Variants in ROS1 observed in about 807,000 individuals in gnomAD.
ROS1 encodes proto-oncogene tyrosine-protein kinase ROS.
ROS1 carries 263 observed loss-of-function variants against 273.5 expected under a neutral mutation model. The observed-to-expected ratio is 0.96, with a 90% CI of 0.87 to 1.06. The LOEUF (loss-of-function observed/expected upper bound fraction) is 1.06. Among genes scored for constraint, ROS1 ranks in the 50% least tolerant of loss-of-function variants. The pLI is 0.00. For missense variants in ROS1, 2,833 were observed against 2,751.1 expected (o/e 1.03, Z -0.67); for synonymous variants, 1,008 against 954.1 (o/e 1.06, Z -1.04).
chr6:117,360,790 C>G (rs1261393103), intron 22 of ROS1, among the ~76,000 whole-genome samples: 1 of 151,816 alleles, frequency 6.6e-6, no homozygotes, highest in Non-Finnish European at 1.5e-5. Context: ...ATATATATAT[C>G]AATTGAATAT....
At chr6:117,405,836 C>G (rs778565878) in intron 5 of ROS1, among the ~76,000 whole-genome samples, 11 of 152,110 alleles carry the variant, frequency 7.2e-5, no homozygotes, top group African/African-American at 2.7e-4. Flanking sequence ...ATATCCCTTA[C>G]CAGCTATGTG....
intron 5 of ROS1, among the ~76,000 whole-genome samples, chr6:117,407,089 C>A (rs1232064911): frequency 6.6e-6 from 1 of 151,862 alleles, no homozygotes; most frequent in African/African-American, 2.4e-5. Context: ...AATGTAATAT[C>A]ACTACCTCTC....
intron 1 of ROS1, among the ~76,000 whole-genome samples, chr6:117,424,617 T>C (rs563121273): frequency 6.6e-6 from 1 of 152,194 alleles, no homozygotes; most frequent in Admixed American, 6.5e-5. Context: ...CAAAGATTTA[T>C]ATAAAATACT....
chr6:117,311,204 T>C (rs986017936), intron 39 of ROS1, 87 bp from the exon 40 acceptor site: 40 of 666,332 alleles, frequency 6.0e-5, no homozygotes, highest in Non-Finnish European at 8.5e-5. Flanking sequence ...TGGATACATG[T>C]ATATGCATAT....
At chr6:117,393,096 A>C in intron 12 of ROS1, 128 bp downstream of exon 12, 1 of 703,416 alleles carries the variant, frequency 1.4e-6, no homozygotes. Context: ...GAATTTAATT[A>C]AATTCACCTA....
Position 117,379,177 on chromosome 6 carries a change from TA to T in ROS1, c.2482-19del. On this transcript the variant is annotated intron_variant, in intron 17 of 43. Coordinates refer to ENST00000368507, the MANE Select transcript of ROS1 (RefSeq NM_001378902.1). The stretch of plus-strand genomic sequence containing the variant: ...GCAATTACCTAAGTAGAAAGTAAGG[TA>T]AGAAAATAAACCAAATACATGTTTG... 1 of 1,505,242 alleles carries T rather than the reference TA, an allele frequency of 6.6e-7. No individual in the cohort carries two copies. Among genetic ancestry groups the T allele is most frequent in the Non-Finnish European group, 9.2e-7 (1 of 1,082,480 alleles). The allele number at this position is 1,505,242 out of a possible 1,614,324, so 93.2% of individuals were successfully genotyped here.
chr6:117,306,240 T>C (rs1775091780), intron 42 of ROS1, among the ~76,000 whole-genome samples: 2 of 152,138 alleles, frequency 1.3e-5, no homozygotes, highest in African/African-American at 2.4e-5. Context: ...TCCTTACTTA[T>C]TATACCTAAT....
intron 4 of ROS1, 80 bp downstream of exon 4, chr6:117,414,439 C>T (rs953013406): frequency 1.4e-6 from 1 of 713,516 alleles, no homozygotes; most frequent in Non-Finnish European, 2.5e-6. Context: ...GGTTTCTTCA[C>T]CCCTATTTTA....
chr6:117,360,067 CAA>C, intron 23 of ROS1, 56 bp from the exon 24 acceptor site: 3 of 1,403,362 alleles, frequency 2.1e-6, no homozygotes, highest in Non-Finnish European at 3.0e-6. Context: ...TTTAGCTTAG[CAA>C]AGTCTCGATT....
chr6:117,325,265 T>C (rs1776552881), intron 34 of ROS1, among the ~76,000 whole-genome samples: 2 of 152,076 alleles, frequency 1.3e-5, no homozygotes, highest in Admixed American at 1.3e-4. Flanking sequence ...TCTTGAAGGA[T>C]GAGAAGAATT....
chr6:117,360,399 C>A lies in ROS1; in HGVS notation c.3373G>T (p.Ala1125Ser), dbSNP rs757007708. Reference protein sequence around the residue: ...PRCFIAFQVRAFTSKGPGPYA... With the variant: ...PRCFIAFQVRSFTSKGPGPYA... Reference sequence around the variant, plus strand: ...GGTCCTGGCCCCTTAGATGTAAAGGCCCTAACCTAAAGAAAAGGAAACAAA... The same window carrying A: ...GGTCCTGGCCCCTTAGATGTAAAGGACCTAACCTAAAGAAAAGGAAACAAA... Residue 1125 changes from alanine to serine, a missense_variant, in exon 23 of 44, where the codon GCC (alanine) becomes TCC (serine). Transcript: ENST00000368507. The A allele has an allele frequency of 6.2e-7, 1 of 1,612,786 alleles. No homozygotes were observed. The highest frequency in any genetic ancestry group is 2.2e-5 in the East Asian group (1 of 44,838).
chr6:117,400,372 G>A (rs1353175195), intron 7 of ROS1, among the ~76,000 whole-genome samples: 2 of 152,196 alleles, frequency 1.3e-5, no homozygotes, highest in African/African-American at 4.8e-5. Context: ...TTCTACAAGG[G>A]AGTAAGCTTC....
chr6:117,393,383 C>T (rs1773227952), intron 11 of ROS1, 62 bp from the exon 12 acceptor site: 1 of 1,022,732 alleles, frequency 9.8e-7, no homozygotes, highest in African/African-American at 1.6e-5. Flanking sequence ...TAAATTCAGC[C>T]AACAAGTATC....
chr6:117,311,843 G>A (rs1242665106), intron 39 of ROS1, among the ~76,000 whole-genome samples: 1 of 152,110 alleles, frequency 6.6e-6, no homozygotes, highest in Non-Finnish European at 1.5e-5. Context: ...AAAATTCAAA[G>A]TTCCTGCCCT....
At chr6:117,344,985 G>C (rs1352181306) in intron 27 of ROS1, among the ~76,000 whole-genome samples, 2 of 152,194 alleles carry the variant, frequency 1.3e-5, no homozygotes, top group Non-Finnish European at 2.9e-5. Flanking sequence ...TTCACTCTCA[G>C]TCTTTATGTA....
rs2128712983 is a variant in ROS1, at chr6:117,394,305, C to A, written c.1048G>T (p.Glu350Ter). 1 of 1,607,204 alleles carries A rather than the reference C, an allele frequency of 6.2e-7. No individual in the cohort carries two copies. The highest frequency in any genetic ancestry group is 1.7e-5 in the Admixed American group (1 of 59,040). The change falls in exon 11 of 44, where the codon GAA becomes TAA. Residue 350 changes from glutamate to a stop codon, truncating the protein, a stop_gained. Coordinates refer to ENST00000368507, the MANE Select transcript of ROS1 (RefSeq NM_001378902.1). LOFTEE classifies it high-confidence loss of function. ...DVHQQIVYFS[E>*]GTLIWAKKAA... ...TTCTTCGCCCATATGAGAGTTCCTT[C>A]AGAGAAATAAACAATTTGCTGGTGG...
intron 27 of ROS1, among the ~76,000 whole-genome samples, chr6:117,351,935 T>C (rs1486587761): frequency 6.6e-6 from 1 of 152,218 alleles, no homozygotes; most frequent in Non-Finnish European, 1.5e-5. Context: ...ATTTACATAT[T>C]TTATAACTGA....
chr6:117,308,664 T>C (rs1348537361), intron 42 of ROS1, 130 bp downstream of exon 42: 2 of 782,682 alleles, frequency 2.6e-6, no homozygotes, highest in Non-Finnish European at 3.9e-6. Context: ...ATTGATATTT[T>C]ATGTGGGGTA....
At chr6:117,293,136 C>T (rs1049598216) in intron 43 of ROS1, among the ~76,000 whole-genome samples, 1 of 152,092 alleles carries the variant, frequency 6.6e-6, no homozygotes, top group Non-Finnish European at 1.5e-5. Context: ...TAACCTCCTC[C>T]CAATGGTTTT....
Sources: gnomAD v4.1 joint callset for allele counts (sites outside exome capture counted in the v4.1 genomes callset) on GRCh38, gnomAD v4.1.1 for gene constraint, MANE v1.5 for transcripts, NCBI Gene and HGNC (gene_info 2026-07-23, HGNC 2026-07-21) for gene names.